The following EIF5B variants were observed in gnomAD, a reference collection of about 807,000 sequenced individuals.
EIF5B encodes the protein eIF-5B.
A neutral mutation model predicts 147.5 loss-of-function variants in EIF5B; 47 were observed. The observed-to-expected ratio is 0.32, with a 90% confidence interval of 0.25 to 0.41. EIF5B has a LOEUF of 0.41. EIF5B is among the 10% of genes least tolerant of loss of function. EIF5B has a pLI of 1.00. For missense variants in EIF5B, 1,064 were observed against 1,413.2 expected (o/e 0.75, Z 3.96); for synonymous variants, 455 against 456.2 (o/e 1.00, Z 0.03).
In EIF5B at chr2:99,361,725, A is replaced by C; in HGVS notation, c.824A>C (p.Lys275Thr). ...DQSKQKESQRKFEEETVKSKV... is the reference protein window; with the variant it reads ...DQSKQKESQRTFEEETVKSKV... Reference sequence around the variant, plus strand: ...AGTAAACAAAAGGAATCTCAAAGGAAATTTGAAGAAGAAACTGTAAAATCC... The same window carrying C: ...AGTAAACAAAAGGAATCTCAAAGGACATTTGAAGAAGAAACTGTAAAATCC... The change falls in exon 4 of 24, where the codon AAA becomes ACA. Residue 275 changes from lysine (K) to threonine (T), a missense_variant. Around this residue, in one of 4 missense-constraint regions of EIF5B, gnomAD observed 458 missense variants for 451.3 expected, o/e 1.01. Transcript: ENST00000289371. The C allele has an allele frequency of 6.3e-7, 1 of 1,596,380 alleles. No homozygotes were observed.
chr2:99,396,393 T>A (rs1242613436), intron 21 of EIF5B, among the ~76,000 whole-genome samples: 1 of 152,204 alleles, frequency 6.6e-6, no homozygotes, highest in African/African-American at 2.4e-5. Flanking sequence ...AAGACCTGCC[T>A]GTCACCAGGT....
intron 14 of EIF5B, among the ~76,000 whole-genome samples, chr2:99,385,885 C>G (rs1029960141): frequency 6.6e-6 from 1 of 152,192 alleles, no homozygotes; most frequent in Non-Finnish European, 1.5e-5. Context: ...CATTCTGCTG[C>G]CCTCCCTAAA....
At chr2:99,372,389 A>C (rs529368516) in intron 9 of EIF5B, among the ~76,000 whole-genome samples, 2 of 152,120 alleles carry the variant, frequency 1.3e-5, no homozygotes, top group African/African-American at 2.4e-5. Context: ...CCCAGGCTGG[A>C]GTGCAGTGGC....
chr2:99,348,308 T>C, intron 1 of EIF5B, among the ~76,000 whole-genome samples: 1 of 152,220 alleles, frequency 6.6e-6, no homozygotes, highest in Admixed American at 6.6e-5. Context: ...ACATAGCTAG[T>C]TCTCAGCTTA....
Position 99,389,857 on chromosome 2 carries a change from G to C in EIF5B, c.2403+8G>C. 1 of 1,600,192 alleles carries C rather than the reference G, an allele frequency of 6.2e-7. No individual in the cohort carries two copies. Among genetic ancestry groups the C allele is most frequent in the Non-Finnish European group, 8.5e-7 (1 of 1,176,164 alleles). On this transcript the variant is annotated splice_region_variant and intron_variant, in intron 15 of 23. Transcript: ENST00000289371. The stretch of plus-strand genomic sequence containing the variant: ...GTAGAATTTGCACAGCAGGTAAGAA[G>C]GCCTTCCTTCTTTCTGAAGAGCCTA...
At chr2:99,380,139 G>C (rs1674659002) in intron 12 of EIF5B, among the ~76,000 whole-genome samples, 1 of 152,182 alleles carries the variant, frequency 6.6e-6, no homozygotes, top group African/African-American at 2.4e-5. Context: ...ATTTAGGAAA[G>C]GCAGAATTAA....
chr2:99,365,837 A>G (rs1399642378), intron 6 of EIF5B, among the ~76,000 whole-genome samples: 1 of 152,116 alleles, frequency 6.6e-6, no homozygotes, highest in Non-Finnish European at 1.5e-5. Context: ...TTGACATTCA[A>G]GGTTCCCCCC....
intron 14 of EIF5B, among the ~76,000 whole-genome samples, chr2:99,389,453 A>G (rs767985093): frequency 5.1e-4 from 77 of 152,218 alleles, no homozygotes; most frequent in Non-Finnish European, 8.8e-5. Context: ...GGATAATTCT[A>G]GGATGTTATC....
At chr2:99,384,923 G>A (rs972759730) in intron 14 of EIF5B, among the ~76,000 whole-genome samples, 2 of 152,286 alleles carry the variant, frequency 1.3e-5, no homozygotes, top group Admixed American at 6.5e-5. Flanking sequence ...TGACAAAAAA[G>A]AATTTAGGAT....
intron 8 of EIF5B, among the ~76,000 whole-genome samples, chr2:99,370,283 C>T (rs1674417768): frequency 6.6e-6 from 1 of 151,978 alleles, no homozygotes; most frequent in Non-Finnish European, 1.5e-5. Context: ...ATTGTTCTAA[C>T]TCTTACGACT....
intron 9 of EIF5B, among the ~76,000 whole-genome samples, chr2:99,374,641 C>T (rs1380242561): frequency 1.3e-5 from 2 of 152,142 alleles, no homozygotes; most frequent in African/African-American, 2.4e-5. Context: ...TATTCCCTTG[C>T]CCTGGCTTTC....
At chr2:99,366,832 G>T (rs1448013348) in intron 6 of EIF5B, among the ~76,000 whole-genome samples, 2 of 152,194 alleles carry the variant, frequency 1.3e-5, no homozygotes, top group Non-Finnish European at 2.9e-5. Context: ...TCAAGACTTA[G>T]TATAAAGCTA....
intron 17 of EIF5B, 144 bp from the exon 18 acceptor site, chr2:99,392,823 A>T: frequency 1.5e-6 from 1 of 660,338 alleles, no homozygotes; most frequent in Non-Finnish European, 2.2e-6. Flanking sequence ...TTTTAATGTT[A>T]AATTTATCAG....
At chr2:99,389,254 TTC>T (rs1312625918) in intron 14 of EIF5B, among the ~76,000 whole-genome samples, 1 of 152,218 alleles carries the variant, frequency 6.6e-6, no homozygotes, top group African/African-American at 2.4e-5. Context: ...GGAAAATAGA[TTC>T]TGTCATTAAC....
In EIF5B at chr2:99,400,931, AAGG is replaced by A. The variant is rs1477145482; in HGVS notation, c.*1520_*1522del. 2 of 166,770 alleles carry A rather than the reference AAGG, an allele frequency of 1.2e-5. No individual in the cohort carries two copies. The highest frequency in any genetic ancestry group is 1.7e-4 in the East Asian group (1 of 6,038). 10.3% of individuals were successfully genotyped at this position (166,770 alleles called of 1,614,324 possible). Reference sequence around the variant, plus strand: ...AGTTGAGTTTTTAAGGATTCACAAAAAGGAGCCTGTACAAAATATACATACAGT... The same window carrying A: ...AGTTGAGTTTTTAAGGATTCACAAAAAGCCTGTACAAAATATACATACAGT... On this transcript the variant is annotated 3_prime_UTR_variant, in exon 24 of 24. Coordinates refer to ENST00000289371, the MANE Select transcript of EIF5B (RefSeq NM_015904.4).
rs889610562 is a variant in EIF5B, at chr2:99,400,956, C to T, written c.*1542C>T. ...AAGGAGCCTGTACAAAATATACATA[C>T]AGTTCTTTATTAAACAACTGTAAAC... On this transcript the variant is annotated 3_prime_UTR_variant, in exon 24 of 24. Coordinates refer to ENST00000289371, the MANE Select transcript of EIF5B (RefSeq NM_015904.4). 1 of 196,322 alleles carries T rather than the reference C, an allele frequency of 5.1e-6. No homozygotes were observed. Among genetic ancestry groups the T allele is most frequent in the East Asian group, 1.2e-4 (1 of 8,258 alleles). The allele number at this position is 196,322 out of a possible 1,614,324, so 12.2% of individuals were successfully genotyped here.
intron 1 of EIF5B, among the ~76,000 whole-genome samples, chr2:99,356,572 C>T (rs746287767): frequency 3.9e-5 from 6 of 152,154 alleles, no homozygotes; most frequent in Non-Finnish European, 8.8e-5. Flanking sequence ...CCATTGGGAG[C>T]TCTTTCAGTT....
intron 1 of EIF5B, among the ~76,000 whole-genome samples, chr2:99,345,448 G>A (rs975831662): frequency 6.6e-6 from 1 of 152,054 alleles, no homozygotes; most frequent in Non-Finnish European, 1.5e-5. Flanking sequence ...CAAAAAATTA[G>A]CCAGGTGTGG....
Position 99,361,784 on chromosome 2 carries a change from T to G in EIF5B, c.883T>G (p.Ser295Ala). 1.3e-6 allele frequency: 2 copies of G among 1,564,952 alleles called. No individual in the cohort carries two copies. The highest frequency in any genetic ancestry group is 1.7e-6 in the Non-Finnish European group (2 of 1,166,118). Residue 295 changes from serine to alanine, a missense_variant, in exon 4 of 24, where the codon TCT becomes GCT. Transcript: ENST00000289371. Reference protein sequence around the residue: ...VTVDTGVIPASEEKAETPTAA... With the variant: ...VTVDTGVIPAAEEKAETPTAA... ...TGTTGATACTGGAGTAATTCCTGCC[T>G]CTGAAGAGAAAGCAGAGACTCCCAC... is the stretch of plus-strand genomic sequence containing the variant.
Sources: gnomAD v4.1 joint callset for allele counts (sites outside exome capture counted in the v4.1 genomes callset) on GRCh38, gnomAD v4.1.1 for gene constraint, gnomAD v4.1.1 regional missense constraint, MANE v1.5 for transcripts, NCBI Gene and HGNC (gene_info 2026-07-23, HGNC 2026-07-21) for gene names.